The following NLRP8 variants were observed in gnomAD, a reference collection of about 807,000 sequenced individuals.
The protein encoded by NLRP8 is NLR family pyrin domain containing 8.
In NLRP8, 86 loss-of-function variants were observed where a neutral mutation model predicts 88.7. The ratio of observed to expected loss-of-function variants is 0.97; its 90% confidence interval spans 0.81 to 1.16. The LOEUF (loss-of-function observed/expected upper bound fraction) is 1.16. Ranked by LOEUF, NLRP8 falls within the 50% of genes most tolerant of loss-of-function variation. The probability of loss-of-function intolerance (pLI) is 0.00; values close to 1 mark genes in which losing one functional copy is unlikely to be tolerated. For synonymous variants in NLRP8, 504 were observed against 494.6 expected, an observed-to-expected ratio of 1.02 and a Z score of -0.25; for missense variants, 1,342 against 1,286.5, an observed-to-expected ratio of 1.04 and a Z score of -0.66.
intron 3 of NLRP8, 101 bp downstream of exon 3, chr19:55,956,201 T>C: frequency 8.3e-7 from 1 of 1,211,320 alleles, no homozygotes; most frequent in Non-Finnish European, 1.2e-6. Context: ...CTTTCTGATC[T>C]CTTTCCTAGC....
rs149144840 is a variant in NLRP8, at chr19:55,984,655, CA to C, written c.3048-3140del. Among the ~76,000 whole-genome samples, 121 of 51,422 alleles carry C rather than the reference CA, an allele frequency of 2.4e-3. 2 individuals are homozygous for C. The highest frequency in any genetic ancestry group is 0.018 in the Middle Eastern group (1 of 56). 33.7% of individuals were successfully genotyped at this position (51,422 alleles called of 152,430 possible). On this transcript the variant is annotated intron_variant, in intron 9 of 9. Transcript: ENST00000291971. ...GGCAACAAAAGCAAAACACTGTCTC[CA>C]AAAAAAAAAAAAAAAAAACAACAGT...
At chr19:55,965,083 G>T (rs556117046) in intron 4 of NLRP8, among the ~76,000 whole-genome samples, 28 of 151,926 alleles carry the variant, frequency 1.8e-4, no homozygotes, top group South Asian at 4.2e-4. Context: ...GCCAGGAGTG[G>T]AAGAGCAGCC....
rs776921959 is a variant in NLRP8 at position 55,970,605 on chromosome 19, A to G, written c.2443A>G (p.Asn815Asp). 8.1e-6 allele frequency: 13 copies of G among 1,614,186 alleles called. No individual in the cohort carries two copies. Among genetic ancestry groups the G allele is most frequent in the Non-Finnish European group, 1.1e-5 (13 of 1,180,028 alleles). The change falls in exon 6 of 10, where the codon AAC becomes GAC. Residue 815 changes from asparagine to aspartate, a missense_variant. By Grantham distance (23) the Asn-to-Asp change is conservative. Transcript: ENST00000291971. The stretch of plus-strand genomic sequence containing the variant: ...TGATCTTGGCAATAATCTTCAAGGT[A>G]ACGGGCATCTAAAGACTCTCATACT...
At chr19:55,985,030 G>A (rs10426252) in intron 9 of NLRP8, among the ~76,000 whole-genome samples, 1,641 of 151,060 alleles carry the variant, frequency 0.011, 37 homozygotes, top group African/African-American at 0.037. Context: ...GTGGCCAAGC[G>A]CGGTGGCTCA....
intron 9 of NLRP8, among the ~76,000 whole-genome samples, chr19:55,987,310 C>T (rs968374059): frequency 6.6e-6 from 1 of 152,194 alleles, no homozygotes; most frequent in Non-Finnish European, 1.5e-5. Context: ...GCAGAGGTTG[C>T]AGTGAGCCAA....
At chr19:55,984,216 A>G (rs1004520558) in intron 9 of NLRP8, among the ~76,000 whole-genome samples, 11 of 152,106 alleles carry the variant, frequency 7.2e-5, no homozygotes, top group African/African-American at 2.4e-4. Flanking sequence ...ATTAAAAAAT[A>G]ATAATTAAAA....
Position 55,966,316 on chromosome 19 carries a change from T to A in NLRP8, c.2317T>A (p.Ser773Thr), listed in dbSNP as rs1420672110. Residue 773 changes from serine (S) to threonine (T), a missense_variant, in exon 5 of 10, where the codon TCC (serine) becomes ACC (threonine). Ser to Thr is a moderately conservative substitution (Grantham distance 58). Transcript: ENST00000291971. ...GGAAATACAACATGTGGAAGTGGAG[T>A]CCAAAGCTGTGAAGCTTCTATGCAG... The A allele has an allele frequency of 5.3e-5, 86 of 1,613,446 alleles. No homozygotes were observed. The highest frequency in any genetic ancestry group is 7.2e-5 in the Non-Finnish European group (85 of 1,179,704).
At chr19:55,968,550 G>T (rs781017487) in intron 5 of NLRP8, among the ~76,000 whole-genome samples, 4 of 152,090 alleles carry the variant, frequency 2.6e-5, no homozygotes, top group Admixed American at 2.0e-4. Context: ...AGACCAGCCT[G>T]GCCAACATGG....
chr19:55,984,655 CAAAAAAAA>C, intron 9 of NLRP8, among the ~76,000 whole-genome samples: 1 of 51,420 alleles, frequency 1.9e-5, no homozygotes, highest in East Asian at 6.8e-4. Flanking sequence ...ACACTGTCTC[CAAAAAAAA>C]AAAAAAAAAA....
At position 55,962,092 on chromosome 19, in the gene NLRP8, C is replaced by T. The variant is rs75864168; in HGVS notation, c.2068C>T (p.Arg690Cys). The change falls in exon 4 of 10, where the codon CGT (arginine) becomes TGT (cysteine). Residue 690 changes from arginine to cysteine, a missense_variant. Coordinates refer to ENST00000291971, the MANE Select transcript of NLRP8 (RefSeq NM_176811.2). ...AGCGCCAGAGAGCAATGGGCTGCAT[C>T]GTTGGTGGCAAGACTTATGCTCTGT... 17,063 of 1,614,074 alleles carry T rather than the reference C, an allele frequency of 0.011. 624 individuals are homozygous for T. Among genetic ancestry groups the T allele is most frequent in the Admixed American group, 0.091 (5,470 of 60,008 alleles).
chr19:55,950,558 A>C (rs1446366088), intron 1 of NLRP8, among the ~76,000 whole-genome samples: 1 of 152,186 alleles, frequency 6.6e-6, no homozygotes, highest in Non-Finnish European at 1.5e-5. Context: ...CAGCGCTTTC[A>C]AGATCATTCC....
At chr19:55,978,441 C>A (rs1273466258) in intron 8 of NLRP8, among the ~76,000 whole-genome samples, 1 of 151,950 alleles carries the variant, frequency 6.6e-6, no homozygotes, top group African/African-American at 2.4e-5. Flanking sequence ...GCTGAGAAGT[C>A]CAAGGTGGAG....
intron 1 of NLRP8, among the ~76,000 whole-genome samples, chr19:55,950,275 C>T (rs1044569720): frequency 2.4e-4 from 36 of 150,748 alleles, no homozygotes; most frequent in African/African-American, 7.1e-4. Context: ...AAAAAATAGC[C>T]GGGCGTGGTG....
At chr19:55,983,386 C>A (rs1043036075) in intron 9 of NLRP8, among the ~76,000 whole-genome samples, 1 of 147,630 alleles carries the variant, frequency 6.8e-6, no homozygotes, top group African/African-American at 2.5e-5. Flanking sequence ...ATCACTTGAA[C>A]CCAGGAGGTG....
chr19:55,952,519 C>A lies in NLRP8; in HGVS notation c.368-19C>A. On this transcript the variant is annotated intron_variant, in intron 1 of 9. Transcript: ENST00000291971. ...GATCTTATCATTCCCGTGGAACAGC[C>A]TCCTTTTTTCTGTTACAGCCATTCT... 1.2e-6 allele frequency: 2 copies of A among 1,606,850 alleles called. No individual in the cohort carries two copies. Among genetic ancestry groups the A allele is most frequent in the Non-Finnish European group, 1.7e-6 (2 of 1,173,594 alleles).
chr19:55,955,194 T>C lies in NLRP8; in HGVS notation c.1136T>C (p.Val379Ala). 6.2e-7 allele frequency: 1 copy of C among 1,614,076 alleles called. No individual in the cohort carries two copies. Among genetic ancestry groups the C allele is most frequent in the Non-Finnish European group, 8.5e-7 (1 of 1,179,986 alleles). ...GGACACACAGAGGAGGGAGACCAAG[T>C]CTTGAGTTTCGCCATGGAAAACACC... Residue 379 changes from valine (V) to alanine (A), a missense_variant, in exon 3 of 10, where the codon GTC (valine) becomes GCC (alanine). By Grantham distance (64) the Val-to-Ala change is moderately conservative. Coordinates refer to ENST00000291971, the MANE Select transcript of NLRP8 (RefSeq NM_176811.2).
chr19:55,958,424 A>T (rs1979469350), intron 3 of NLRP8, among the ~76,000 whole-genome samples: 1 of 152,204 alleles, frequency 6.6e-6, no homozygotes, highest in Non-Finnish European at 1.5e-5. Context: ...ATTCTTCACC[A>T]TGACAAGCAG....
At chr19:55,972,242 G>A (rs1364804529) in intron 6 of NLRP8, among the ~76,000 whole-genome samples, 4 of 151,178 alleles carry the variant, frequency 2.6e-5, no homozygotes, top group African/African-American at 9.7e-5. Flanking sequence ...AGCCTTCTGA[G>A]TAGCTGGGAT....
chr19:55,952,227 C>T (rs906787125), intron 1 of NLRP8, among the ~76,000 whole-genome samples: 1 of 152,166 alleles, frequency 6.6e-6, no homozygotes, highest in Non-Finnish European at 1.5e-5. Context: ...ATTTTACATA[C>T]ACTTGTGTGT....
Sources: gnomAD v4.1 joint callset for allele counts (sites outside exome capture counted in the v4.1 genomes callset) on GRCh38, gnomAD v4.1.1 for gene constraint, MANE v1.5 for transcripts, NCBI Gene and HGNC (gene_info 2026-07-23, HGNC 2026-07-21) for gene names.